B3GNT3: variants seen among roughly 807,000 people sequenced by gnomAD.
The protein encoded by B3GNT3 is UDP-GlcNAc:betaGal beta-1,3-N-acetylglucosaminyltransferase 3.
Under a neutral mutation model 11.6 loss-of-function variants are expected in B3GNT3, and 7 were observed. That is an observed-to-expected ratio of 0.60 (90% CI 0.34 to 1.13). The LOEUF is 1.13. B3GNT3 is among the 50% of genes most tolerant of loss of function. The pLI, the probability that B3GNT3 is intolerant of heterozygous loss-of-function variation, is 0.03. For missense variants in B3GNT3, 400 were observed against 507.4 expected (o/e 0.79, Z 2.03); for synonymous variants, 201 against 222.1 (o/e 0.90, Z 0.85).
chr19:17,806,829 G>C (rs1442994438), intron 1 of B3GNT3, among the ~76,000 whole-genome samples: 1 of 151,598 alleles, frequency 6.6e-6, no homozygotes, highest in East Asian at 1.9e-4. Context: ...GCGCGTGCCT[G>C]TAGTCCCAGC....
At chr19:17,809,833 GA>G (rs1460568600) in intron 2 of B3GNT3, among the ~76,000 whole-genome samples, 1 of 152,046 alleles carries the variant, frequency 6.6e-6, no homozygotes. Context: ...GGGGCTCTAA[GA>G]ACCCCTCCTA....
chr19:17,797,158 A>G (rs190695880), intron 1 of B3GNT3, among the ~76,000 whole-genome samples: 1 of 152,218 alleles, frequency 6.6e-6, no homozygotes, highest in African/African-American at 2.4e-5. Flanking sequence ...CAGCACACAT[A>G]TAGAGTTTAG....
intron 1 of B3GNT3, among the ~76,000 whole-genome samples, chr19:17,799,782 GTATC>G (rs1568389660): frequency 9.6e-5 from 2 of 20,872 alleles, no homozygotes; most frequent in African/African-American, 1.4e-3. Context: ...CTGGTTAGGG[GTATC>G]CAGGCCGGTT....
intron 1 of B3GNT3, among the ~76,000 whole-genome samples, chr19:17,803,741 C>G (rs1268645312): frequency 1.3e-5 from 2 of 151,788 alleles, no homozygotes; most frequent in Non-Finnish European, 2.9e-5. Flanking sequence ...GTCGCAGCTA[C>G]TCAAGAGGCT....
rs2094163125 is a variant in B3GNT3, at chr19:17,799,334, T to C, written c.-51+4128T>C. Among the ~76,000 whole-genome samples, 7 of 143,768 alleles carry C rather than the reference T, an allele frequency of 4.9e-5. 1 individual carries two copies. In the South Asian group the frequency reaches 1.6e-3, roughly 33 times the overall value. 94.3% of individuals were successfully genotyped at this position (143,768 alleles called of 152,430 possible). ...CCCGGGCTGGAGTGCAGTGGCGCAA[T>C]CTCGGCTCCCTGTAACCTCCACCTC... On this transcript the variant is annotated intron_variant, in intron 1 of 2. Transcript: ENST00000318683.
In B3GNT3 at chr19:17,811,355, C is replaced by T. The variant is rs1389012001; in HGVS notation, c.568-216C>T. Among the ~76,000 whole-genome samples, 1 of 152,160 alleles carries T rather than the reference C, an allele frequency of 6.6e-6. No individual in the cohort carries two copies. Among genetic ancestry groups the T allele is most frequent in the East Asian group, 1.9e-4 (1 of 5,192 alleles). ...ATGGAGCATGGTCTCCATGGATTCC[C>T]CAACACTCCTAGAGGCACATGATAA... On this transcript the variant is annotated intron_variant, in intron 2 of 2. Coordinates refer to ENST00000318683, the MANE Select transcript of B3GNT3 (RefSeq NM_014256.4). This position sits in a 1 kb window ranked among gnomAD's most constrained non-coding sequence, Gnocchi z 4.1.
chr19:17,807,594 G>A, intron 1 of B3GNT3, 164 bp from the exon 2 acceptor site: 1 of 514,068 alleles, frequency 1.9e-6, no homozygotes, highest in South Asian at 3.5e-5. Context: ...AACAGGGGTT[G>A]GAGTGCTTTG....
At chr19:17,807,349 A>G (rs1183904131) in intron 1 of B3GNT3, among the ~76,000 whole-genome samples, 1 of 151,128 alleles carries the variant, frequency 6.6e-6, no homozygotes, top group East Asian at 2.0e-4. Context: ...AAAATTAGCC[A>G]GGCATGGTGG....
chr19:17,807,580 A>G (rs2094174777), intron 1 of B3GNT3, among the ~76,000 whole-genome samples, 178 bp from the exon 2 acceptor site: 2 of 151,910 alleles, frequency 1.3e-5, no homozygotes, highest in African/African-American at 4.8e-5. Context: ...CACCTGTCAG[A>G]GCCAACAGGG....
At chr19:17,806,811 G>A (rs2286661) in intron 1 of B3GNT3, among the ~76,000 whole-genome samples, 33,513 of 151,748 alleles carry the variant, frequency 0.22, 4,373 homozygotes, top group African/African-American at 0.35. Context: ...AATTAACTGG[G>A]CGTGGTGGCG....
At position 17,811,507 on chromosome 19, in the gene B3GNT3, A is replaced by G. The variant is rs1022894287; in HGVS notation, c.568-64A>G. 8 of 1,505,076 alleles carry G rather than the reference A, an allele frequency of 5.3e-6. No individual in the cohort carries two copies. The highest frequency in any genetic ancestry group is 7.2e-6 in the Non-Finnish European group (8 of 1,117,616). The allele number at this position is 1,505,076 out of a possible 1,614,324, so 93.2% of individuals were successfully genotyped here. A position where few individuals can be genotyped will look rare whatever the true frequency, so the allele number is the denominator to read the frequency against. On this transcript the variant is annotated intron_variant, in intron 2 of 2. Coordinates refer to ENST00000318683, the MANE Select transcript of B3GNT3 (RefSeq NM_014256.4). This position sits in a 1 kb window ranked among gnomAD's most constrained non-coding sequence, Gnocchi z 4.1. ...TGGGCTTAGTGGGCTGGAGTGGCTA[A>G]TAGAGACCCAAGGCCAATTTCTCCA...
chr19:17,797,051 C>G (rs557244441), intron 1 of B3GNT3, among the ~76,000 whole-genome samples: 2 of 152,210 alleles, frequency 1.3e-5, no homozygotes, highest in East Asian at 1.9e-4. Context: ...AAGACAGGAA[C>G]TAGGCTCCCA....
At chr19:17,804,412 G>C (rs999455913) in intron 1 of B3GNT3, among the ~76,000 whole-genome samples, 4 of 148,684 alleles carry the variant, frequency 2.7e-5, no homozygotes, top group Non-Finnish European at 5.9e-5. Flanking sequence ...GGTAATTTTT[G>C]TATTTTTAGT....
At position 17,798,980 on chromosome 19, in the gene B3GNT3, G is replaced by GA. The variant is rs80203479; in HGVS notation, c.-51+3784dup. Among the ~76,000 whole-genome samples, 1,308 of 149,750 alleles carry GA rather than the reference G, an allele frequency of 8.7e-3. 67 individuals carry two copies. The East Asian group carries it at 0.16, about 18-fold the overall frequency. On this transcript the variant is annotated intron_variant, in intron 1 of 2. Coordinates refer to ENST00000318683, the MANE Select transcript of B3GNT3 (RefSeq NM_014256.4). ...AGAGCAAGATCCTGTCTCAAGAAAA[G>GA]AAAAAAAAAATCTCATTGTTGGCGC...
intron 2 of B3GNT3, among the ~76,000 whole-genome samples, chr19:17,810,111 A>G (rs1421843090): frequency 1.3e-5 from 2 of 152,194 alleles, no homozygotes; most frequent in East Asian, 1.9e-4. Flanking sequence ...GGCAACAAAC[A>G]GATACCCAGC....
rs2094180330 is a variant in B3GNT3, at chr19:17,811,285, C to A, written c.568-286C>A. Among the ~76,000 whole-genome samples the A allele has an allele frequency of 6.6e-6, 1 of 152,136 alleles. No individual in the cohort carries two copies. The highest frequency in any genetic ancestry group is 2.1e-4 in the South Asian group (1 of 4,824). On this transcript the variant is annotated intron_variant, in intron 2 of 2. Coordinates refer to ENST00000318683, the MANE Select transcript of B3GNT3 (RefSeq NM_014256.4). This position sits in a 1 kb window ranked among gnomAD's most constrained non-coding sequence, Gnocchi z 4.1. ...GGCCAGGCAGAGTTGGAAGGAATAG[C>A]AATACATGTAAATGTAACAATTTTC... is the stretch of plus-strand genomic sequence containing the variant.
Position 17,807,960 on chromosome 19 carries a change from T to TCCGCCCCCCCC in B3GNT3, c.155_156insGCCCCCCCCCC (p.Thr54ProfsTer63). Reference sequence around the variant, plus strand: ...TCCCCGAGGCCCTGGCCTGGCCCACTCCACCCACCCGCCCAGCCCCGGCCC... The same window carrying TCCGCCCCCCCC: ...TCCCCGAGGCCCTGGCCTGGCCCACTCCGCCCCCCCCCCACCCACCCGCCCAGCCCCGGCCC... On this transcript the variant is annotated frameshift_variant, in exon 2 of 3. Coordinates refer to ENST00000318683, the MANE Select transcript of B3GNT3 (RefSeq NM_014256.4). LOFTEE classifies it high-confidence loss of function. 6.2e-7 allele frequency: 1 copy of TCCGCCCCCCCC among 1,609,550 alleles called. No individual in the cohort carries two copies. Among genetic ancestry groups the TCCGCCCCCCCC allele is most frequent in the South Asian group, 1.1e-5 (1 of 90,760 alleles).
At chr19:17,801,752 G>A (rs1204697395) in intron 1 of B3GNT3, among the ~76,000 whole-genome samples, 1 of 152,064 alleles carries the variant, frequency 6.6e-6, no homozygotes, top group African/African-American at 2.4e-5. Flanking sequence ...CTGAGTAGCT[G>A]GGACTATAGG....
intron 1 of B3GNT3, among the ~76,000 whole-genome samples, chr19:17,806,627 G>A (rs1568391267): frequency 6.6e-6 from 1 of 152,118 alleles, no homozygotes; most frequent in Non-Finnish European, 1.5e-5. Flanking sequence ...CGAGTTGAGG[G>A]ACGTATGAGA....
Sources: allele counts gnomAD v4.1 joint callset (sites outside exome capture counted in the v4.1 genomes callset), GRCh38; gene constraint gnomAD v4.1.1; non-coding constraint Gnocchi (gnomAD v3.1); transcripts MANE v1.5; gene names NCBI Gene and HGNC (gene_info 2026-07-23, HGNC 2026-07-21).